CCDC171: variants seen among roughly 807,000 people sequenced by gnomAD.
CCDC171 encodes coiled-coil domain containing 171.
A neutral mutation model predicts 168.2 loss-of-function variants in CCDC171; 177 were observed. The ratio of observed to expected loss-of-function variants is 1.05; its 90% CI spans 0.93 to 1.19. CCDC171 has a LOEUF of 1.19. Ranked by LOEUF, CCDC171 falls within the 50% of genes most tolerant of loss-of-function variation. The probability of loss-of-function intolerance (pLI) is 0.00; values close to 1 mark genes in which losing one functional copy is unlikely to be tolerated. For synonymous variants in CCDC171, 687 were observed against 540.8 expected (o/e 1.27, Z -3.75); for missense variants, 1,991 against 1,539.0 (o/e 1.29, Z -4.91).
At chr9:15,898,298 T>A (rs565084305) in intron 24 of CCDC171, among the ~76,000 whole-genome samples, 1 of 152,268 alleles carries the variant, frequency 6.6e-6, no homozygotes, top group East Asian at 1.9e-4. Context: ...CTTTGGGGCT[T>A]ACATGGGTTT....
Position 15,678,871 on chromosome 9 carries a change from G to T in CCDC171, c.1190G>T (p.Ser397Ile). The T allele has an allele frequency of 6.3e-7, 1 of 1,587,592 alleles. No individual in the cohort carries two copies. Among genetic ancestry groups the T allele is most frequent in the Non-Finnish European group, 8.5e-7 (1 of 1,171,064 alleles). The change falls in exon 10 of 26, where the codon AGT (serine) becomes ATT (isoleucine). Residue 397 changes from serine to isoleucine, a missense_variant. By Grantham distance (142) the Ser-to-Ile change is moderately radical (BLOSUM62 -2). Transcript: ENST00000380701. ...KRLQYNEKSC[S>I]ELQEELVMAK... ...CTCCAGTATAATGAAAAAAGTTGCA[G>T]TGAATTACAGGAAGAACTAGTAATG... is the stretch of plus-strand genomic sequence containing the variant.
rs1388625940 is a variant in CCDC171, at chr9:15,818,220, G to A, written c.3268-28482G>A. On this transcript the variant is annotated intron_variant, in intron 21 of 25. Coordinates refer to ENST00000380701, the MANE Select transcript of CCDC171 (RefSeq NM_173550.4). ...ACGTCACCATCATCAAAGACCAAAG[G>A]TAGCTAAAACCACAAAGATAGGGAA... is the stretch of plus-strand genomic sequence containing the variant. Among the ~76,000 whole-genome samples, 2 of 116,282 alleles carry A rather than the reference G, an allele frequency of 1.7e-5. 1 individual carries two copies. The highest frequency in any genetic ancestry group is 3.8e-5 in the Non-Finnish European group (2 of 52,050). 76.3% of individuals were successfully genotyped at this position (116,282 alleles called of 152,430 possible). A position where few individuals can be genotyped will look rare whatever the true frequency, so the allele number is the denominator to read the frequency against.
At chr9:15,826,905 C>A (rs1244935654) in intron 21 of CCDC171, among the ~76,000 whole-genome samples, 2 of 152,172 alleles carry the variant, frequency 1.3e-5, no homozygotes, top group Non-Finnish European at 2.9e-5. Flanking sequence ...ACATATTGTT[C>A]TAAATTGTAA....
At chr9:15,763,882 A>G (rs935106371) in intron 18 of CCDC171, among the ~76,000 whole-genome samples, 1 of 152,182 alleles carries the variant, frequency 6.6e-6, no homozygotes, top group Admixed American at 6.6e-5. Context: ...ATATTCATAT[A>G]CATGTCTTTT....
chr9:16,069,055 G>T, the CCDC171 span, among the ~76,000 whole-genome samples: 2 of 152,154 alleles, frequency 1.3e-5, no homozygotes, highest in East Asian at 3.9e-4. Flanking sequence ...GCTGCATTCA[G>T]GTCTTCAAGC....
chr9:15,613,818 T>A (rs2043888914), intron 6 of CCDC171, among the ~76,000 whole-genome samples: 2 of 152,192 alleles, frequency 1.3e-5, no homozygotes, highest in African/African-American at 4.8e-5. Context: ...CCACCGTGCC[T>A]GGACCTTGAT....
intron 11 of CCDC171, among the ~76,000 whole-genome samples, chr9:15,703,912 A>G (rs1371905390): frequency 6.6e-6 from 1 of 152,220 alleles, no homozygotes; most frequent in Admixed American, 6.5e-5. Flanking sequence ...TTACAATAAT[A>G]ACATTAAAGA....
rs552208829 is a variant in CCDC171, at chr9:15,599,819, C to G, written c.675+5647C>G. On this transcript the variant is annotated intron_variant, in intron 6 of 25. Transcript: ENST00000380701. ...GTAGATTTGGTCTTTTCACATAGCC[C>G]CATATTTCTTGGAGACTTTCTTTGT... 3.3e-5 allele frequency among the ~76,000 whole-genome samples: 5 copies of G among 152,208 alleles called. No homozygotes were observed. The East Asian group carries it at 5.8e-4, about 18-fold the overall frequency.
chr9:16,073,329 T>A, the CCDC171 span, among the ~76,000 whole-genome samples: 1 of 152,220 alleles, frequency 6.6e-6, no homozygotes, highest in Admixed American at 6.5e-5. Context: ...CATATTTTAT[T>A]CATATTATTC....
chr9:15,828,742 CTG>C (rs1214444279), intron 21 of CCDC171, among the ~76,000 whole-genome samples: 1 of 152,020 alleles, frequency 6.6e-6, no homozygotes, highest in Non-Finnish European at 1.5e-5. Context: ...TGATTTTTCT[CTG>C]TAATATTTTT....
intron 5 of CCDC171, 107 bp downstream of exon 5, chr9:15,591,663 C>T: frequency 1.5e-6 from 1 of 671,736 alleles, no homozygotes; most frequent in Admixed American, 3.4e-5. Flanking sequence ...TTTCCTTCCT[C>T]CTTCCTTCCT....
chr9:15,597,141 T>C (rs1048661832), intron 6 of CCDC171, among the ~76,000 whole-genome samples: 26 of 152,154 alleles, frequency 1.7e-4, no homozygotes, highest in Non-Finnish European at 2.9e-4. Context: ...CTTTATTTCC[T>C]TCTCCTGCCC....
chr9:16,029,226 C>T (rs1833327615), intron 6 of CCDC171, among the ~76,000 whole-genome samples: 1 of 152,154 alleles, frequency 6.6e-6, no homozygotes, highest in African/African-American at 2.4e-5. Flanking sequence ...ACTTAGTCCT[C>T]GATGAGTGCA....
At position 15,815,050 on chromosome 9, in the gene CCDC171, T is replaced by G. The variant is rs184117631; in HGVS notation, c.3267+30356T>G. On this transcript the variant is annotated intron_variant, in intron 21 of 25. Coordinates refer to ENST00000380701, the MANE Select transcript of CCDC171 (RefSeq NM_173550.4). The stretch of plus-strand genomic sequence containing the variant: ...TGGCTTAGGGGGAAAAAATAAAGAT[T>G]TATTCACAGTAAGAGTCCCAGATGG... Among the ~76,000 whole-genome samples, 882 of 152,282 alleles carry G rather than the reference T, an allele frequency of 5.8e-3. 16 individuals are homozygous for G. The highest frequency in any genetic ancestry group is 0.035 in the Admixed American group (543 of 15,298).
intron 4 of CCDC171, chr9:15,587,824 C>T: frequency 3.8e-6 from 1 of 262,572 alleles, no homozygotes; most frequent in Non-Finnish European, 7.9e-6. Flanking sequence ...TTAGAAGAAA[C>T]AGAGGCTCTG....
At chr9:15,980,602 T>A (rs967899678) in intron 3 of CCDC171, among the ~76,000 whole-genome samples, 2 of 152,132 alleles carry the variant, frequency 1.3e-5, no homozygotes, top group African/African-American at 2.4e-5. Context: ...CCCCAAACCA[T>A]CTGTACAGAT....
chr9:15,761,764 G>A (rs1251348731), intron 18 of CCDC171, among the ~76,000 whole-genome samples: 1 of 151,930 alleles, frequency 6.6e-6, no homozygotes, highest in African/African-American at 2.4e-5. Flanking sequence ...TCTATTTTGG[G>A]GAGCCACAAT....
At chr9:16,074,181 G>T in the CCDC171 span, among the ~76,000 whole-genome samples, 1 of 152,016 alleles carries the variant, frequency 6.6e-6, no homozygotes, top group African/African-American at 2.4e-5. Flanking sequence ...ACATTCTTTG[G>T]CCCTTTAAAC....
In CCDC171 at chr9:15,867,592, T is replaced by G. The variant is rs1588922946; in HGVS notation, c.3469-6940T>G. 2.0e-5 allele frequency among the ~76,000 whole-genome samples: 3 copies of G among 152,150 alleles called. No individual in the cohort carries two copies. In the East Asian group the frequency reaches 5.8e-4, roughly 30 times the overall value. The stretch of plus-strand genomic sequence containing the variant: ...GTCCATATAGCTGTCTTGTGTGTCA[T>G]TATTCATATTGTTCGGTGTCATTCT... On this transcript the variant is annotated intron_variant, in intron 23 of 25. Coordinates refer to ENST00000380701, the MANE Select transcript of CCDC171 (RefSeq NM_173550.4).
Sources: gnomAD v4.1 joint callset for allele counts (sites outside exome capture counted in the v4.1 genomes callset) on GRCh38, gnomAD v4.1.1 for gene constraint, MANE v1.5 for transcripts, NCBI Gene and HGNC (gene_info 2026-07-23, HGNC 2026-07-21) for gene names.